INTS9: variants seen among roughly 807,000 people sequenced by gnomAD.
INTS9 encodes the protein integrator complex subunit 9, also known as protein related to CPSF subunits of 74 kDa.
Under a neutral mutation model 79.7 loss-of-function variants are expected in INTS9, and 55 were observed. That is an observed-to-expected ratio of 0.69 (90% CI 0.56 to 0.86). INTS9 has a LOEUF of 0.86. Among genes scored for constraint, INTS9 ranks in the 40% least tolerant of loss-of-function variants. The pLI is 0.00. For synonymous variants in INTS9, 319 were observed against 325.2 expected (o/e 0.98, Z 0.20); for missense variants, 721 against 831.5 (o/e 0.87, Z 1.64).
intron 1 of INTS9, among the ~76,000 whole-genome samples, chr8:28,868,404 A>C (rs1172038077): frequency 1.3e-5 from 2 of 152,210 alleles, no homozygotes; most frequent in African/African-American, 4.8e-5. Context: ...TGATGCCAAT[A>C]GCTCTTTACT....
At chr8:28,859,385 T>C in intron 2 of INTS9, 51 bp downstream of exon 2, 4 of 1,598,536 alleles carry the variant, frequency 2.5e-6, no homozygotes, top group Non-Finnish European at 3.4e-6. Flanking sequence ...AATGGTACCA[T>C]TTTTCAGCAA....
intron 1 of INTS9, among the ~76,000 whole-genome samples, chr8:28,880,415 C>T (rs1318522083): frequency 3.3e-5 from 5 of 152,276 alleles, no homozygotes; most frequent in Non-Finnish European, 7.4e-5. Flanking sequence ...CGTGCCGCCA[C>T]GCCTGACTGG....
chr8:28,770,329 C>A (rs1187322935), intron 15 of INTS9, among the ~76,000 whole-genome samples: 2 of 152,236 alleles, frequency 1.3e-5, no homozygotes, highest in Non-Finnish European at 2.9e-5. Flanking sequence ...CTCCAGAATA[C>A]ACTGTGTCGT....
At chr8:28,818,746 C>T (rs1805649192) in intron 6 of INTS9, among the ~76,000 whole-genome samples, 1 of 151,902 alleles carries the variant, frequency 6.6e-6, no homozygotes. Flanking sequence ...CCGCCTTGTA[C>T]CTCTGGTAGA....
At chr8:28,794,864 G>A (rs995576404) in intron 9 of INTS9, among the ~76,000 whole-genome samples, 2 of 152,118 alleles carry the variant, frequency 1.3e-5, no homozygotes, top group Non-Finnish European at 2.9e-5. Context: ...GCGGTTAGTG[G>A]ACCCCACTTT....
In INTS9 at chr8:28,768,321, T is replaced by C. The variant is rs1336527643; in HGVS notation, c.1802A>G (p.His601Arg). The C allele has an allele frequency of 3.1e-6, 5 of 1,613,054 alleles. 1 individual carries two copies. Among genetic ancestry groups the C allele is most frequent in the South Asian group, 2.2e-5 (2 of 91,076 alleles). ...VEQFVQTLEK[H>R]GFSDIKVEDT... ...CTCCACCTTAATATCACTGAAGCCA[T>C]GCTGCTCCAGAAGAAAAGAAAGAGG... Residue 601 changes from histidine (H) to arginine (R), a missense_variant and splice_region_variant, in exon 17 of 17, where the codon CAT (histidine) becomes CGT (arginine). By Grantham distance (29) the His-to-Arg change is conservative (BLOSUM62 0). This residue lies in a region of INTS9 where 281 missense variants were observed against 300.8 expected (regional missense o/e 0.93). Coordinates refer to ENST00000521022, the MANE Select transcript of INTS9 (RefSeq NM_018250.4).
chr8:28,768,024 CCTT>C lies in INTS9; in HGVS notation c.*119_*121del. 1 of 887,264 alleles carries C rather than the reference CCTT, an allele frequency of 1.1e-6. No individual in the cohort carries two copies. The highest frequency in any genetic ancestry group is 1.8e-6 in the Non-Finnish European group (1 of 550,298). 55.0% of individuals were successfully genotyped at this position (887,264 alleles called of 1,614,324 possible). A position where few individuals can be genotyped will look rare whatever the true frequency, so the allele number is the denominator to read the frequency against. On this transcript the variant is annotated 3_prime_UTR_variant, in exon 17 of 17. Transcript: ENST00000521022. The stretch of plus-strand genomic sequence containing the variant: ...TTCCCTCAAGAGCCACCTCTTCACT[CCTT>C]AAGCCAGAGGACACCACAAAGACAC...
At chr8:28,855,344 C>G (rs1205567841) in intron 2 of INTS9, among the ~76,000 whole-genome samples, 1 of 152,136 alleles carries the variant, frequency 6.6e-6, no homozygotes, top group East Asian at 1.9e-4. Flanking sequence ...ATCCTAAGAG[C>G]AATGAAAAAC....
chr8:28,867,805 CAT>C (rs2131325079), intron 1 of INTS9, among the ~76,000 whole-genome samples: 1 of 151,694 alleles, frequency 6.6e-6, no homozygotes, highest in South Asian at 2.1e-4. Context: ...TTAAAATACG[CAT>C]AGTTATTATG....
At chr8:28,878,414 G>C (rs978050298) in intron 1 of INTS9, among the ~76,000 whole-genome samples, 2 of 151,766 alleles carry the variant, frequency 1.3e-5, no homozygotes, top group Non-Finnish European at 2.9e-5. Flanking sequence ...CTGGGCTCAA[G>C]TGGACCTCCT....
chr8:28,784,233 C>T (rs1484995038), intron 11 of INTS9, among the ~76,000 whole-genome samples: 2 of 152,224 alleles, frequency 1.3e-5, no homozygotes, highest in African/African-American at 4.8e-5. Flanking sequence ...ATTCCTAACT[C>T]TAAATGGCAC....
intron 8 of INTS9, 174 bp from the exon 9 acceptor site, chr8:28,796,829 G>C: frequency 1.8e-6 from 1 of 550,816 alleles, no homozygotes; most frequent in Non-Finnish European, 3.3e-6. Context: ...AAGTTGGGTG[G>C]GGACTGATGG....
intron 8 of INTS9, 77 bp from the exon 9 acceptor site, chr8:28,796,732 A>G (rs928718092): frequency 2.2e-6 from 2 of 890,874 alleles, no homozygotes; most frequent in Non-Finnish European, 3.8e-6. Flanking sequence ...ATACGAGAAC[A>G]CAGACATTGC....
intron 1 of INTS9, among the ~76,000 whole-genome samples, chr8:28,860,562 C>T (rs1001550342): frequency 3.3e-5 from 5 of 151,842 alleles, no homozygotes; most frequent in Non-Finnish European, 5.9e-5. Flanking sequence ...CTGCAACCTC[C>T]GCCTCCCTGG....
At chr8:28,783,286 A>G (rs1217836923) in intron 11 of INTS9, among the ~76,000 whole-genome samples, 1 of 152,208 alleles carries the variant, frequency 6.6e-6, no homozygotes, top group Admixed American at 6.5e-5. Context: ...ATTCAAGGCA[A>G]TAGCAAAGAC....
At chr8:28,827,994 C>A (rs1205324381) in intron 6 of INTS9, among the ~76,000 whole-genome samples, 2 of 152,170 alleles carry the variant, frequency 1.3e-5, no homozygotes, top group Non-Finnish European at 2.9e-5. Flanking sequence ...GGCTAATCAA[C>A]TCCGAGTGAA....
chr8:28,832,281 G>A (rs1806538768), intron 6 of INTS9, among the ~76,000 whole-genome samples: 1 of 152,180 alleles, frequency 6.6e-6, no homozygotes, highest in African/African-American at 2.4e-5. Context: ...TACTGCACCA[G>A]GGCAGTCAGA....
chr8:28,769,308 TC>T (rs1240538455), intron 16 of INTS9, among the ~76,000 whole-genome samples: 1 of 152,156 alleles, frequency 6.6e-6, no homozygotes, highest in African/African-American at 2.4e-5. Context: ...AATTCCTTCT[TC>T]CTATCAAAGA....
chr8:28,853,200 G>C (rs1035219748), intron 2 of INTS9, among the ~76,000 whole-genome samples: 3 of 152,060 alleles, frequency 2.0e-5, no homozygotes, highest in East Asian at 1.9e-4. Context: ...GGATCACCTA[G>C]GTCAGGGGTT....
Sources: allele counts gnomAD v4.1 joint callset (sites outside exome capture counted in the v4.1 genomes callset), GRCh38; gene constraint gnomAD v4.1.1; regional missense constraint gnomAD v4.1.1; transcripts MANE v1.5; gene names NCBI Gene and HGNC (gene_info 2026-07-23, HGNC 2026-07-21).